PRKN: variants seen among roughly 807,000 people sequenced by gnomAD.
The protein encoded by PRKN is E3 ubiquitin-protein ligase parkin.
Under a neutral mutation model 59.5 loss-of-function variants are expected in PRKN, and 56 were observed. That is an observed-to-expected ratio of 0.94 (90% confidence interval 0.76 to 1.18). The LOEUF is 1.18. Among genes scored for constraint, PRKN ranks in the 50% most tolerant of loss-of-function variants. The probability of loss-of-function intolerance (pLI) is 0.00; values close to 1 mark genes in which losing one functional copy is unlikely to be tolerated. For synonymous variants in PRKN, 250 were observed against 222.1 expected (o/e 1.13, Z -1.12); for missense variants, 657 against 596.4 (o/e 1.10, Z -1.06).
At chr6:161,631,065 G>T (rs2128154604) in intron 7 of PRKN, among the ~76,000 whole-genome samples, 1 of 152,312 alleles carries the variant, frequency 6.6e-6, no homozygotes, top group Admixed American at 6.5e-5. Context: ...GGAACTTTGT[G>T]CTCCCAGCCA....
In PRKN at chr6:161,503,562, C is replaced by T. The variant is rs1246011378; in HGVS notation, c.1083+45292G>A. On this transcript the variant is annotated intron_variant, in intron 9 of 11. Coordinates refer to ENST00000366898, the MANE Select transcript of PRKN (RefSeq NM_004562.3). This position sits in a 1 kb window ranked among gnomAD's most constrained non-coding sequence, Gnocchi z 5.1. ...ATACTTATTAATTACCCTCATTTAA[C>T]AGAGGTTTATGGAGGTGAGGGACTG... is the stretch of plus-strand genomic sequence containing the variant. Among the ~76,000 whole-genome samples the T allele has an allele frequency of 2.0e-5, 3 of 152,070 alleles. No homozygotes were observed. The highest frequency in any genetic ancestry group is 2.1e-4 in the South Asian group (1 of 4,816).
rs1489564448 is a variant in PRKN at position 161,874,187 on chromosome 6, A to T, written c.735-88279T>A. Among the ~76,000 whole-genome samples, 214 of 58,484 alleles carry T rather than the reference A, an allele frequency of 3.7e-3. 7 individuals are homozygous for T. The highest frequency in any genetic ancestry group is 7.4e-3 in the African/African-American group (87 of 11,792). The allele number at this position is 58,484 out of a possible 152,430, so 38.4% of individuals were successfully genotyped here. Reference sequence around the variant, plus strand: ...ATAATATATAATATATATTATATATAATATATAATATATATTATATGTAAA... The same window carrying T: ...ATAATATATAATATATATTATATATTATATATAATATATATTATATGTAAA... On this transcript the variant is annotated intron_variant, in intron 6 of 11. Transcript: ENST00000366898.
intron 4 of PRKN, among the ~76,000 whole-genome samples, chr6:162,184,287 C>T (rs78842407): frequency 0.025 from 3,791 of 152,260 alleles, 150 homozygotes; most frequent in African/African-American, 0.086. Flanking sequence ...AAGTAAAAAA[C>T]ATCCACTGTC....
At chr6:162,378,256 A>G (rs1786230780) in intron 2 of PRKN, among the ~76,000 whole-genome samples, 1 of 152,242 alleles carries the variant, frequency 6.6e-6, no homozygotes, top group Non-Finnish European at 1.5e-5. Context: ...ATTTTAAGTG[A>G]AACAATTTAT....
At chr6:162,250,477 CAGAAGTACAG>C (rs1214252868) in intron 3 of PRKN, among the ~76,000 whole-genome samples, 1 of 152,178 alleles carries the variant, frequency 6.6e-6, no homozygotes, top group Non-Finnish European at 1.5e-5. Flanking sequence ...GATGAGTACA[CAGAAGTACAG>C]AGAGTTGTAT....
chr6:161,661,857 T>C (rs1784560543), intron 7 of PRKN, among the ~76,000 whole-genome samples: 1 of 152,056 alleles, frequency 6.6e-6, no homozygotes, highest in African/African-American at 2.4e-5. Context: ...ACCCCGTCTC[T>C]ACTAAAAATA....
chr6:162,250,446 G>T (rs1461977104), intron 3 of PRKN, among the ~76,000 whole-genome samples: 1 of 152,112 alleles, frequency 6.6e-6, no homozygotes, highest in African/African-American at 2.4e-5. Flanking sequence ...ATGCTAGAAA[G>T]AACTTTTCCT....
intron 1 of PRKN, among the ~76,000 whole-genome samples, chr6:162,538,617 T>C (rs1778807549): frequency 6.6e-6 from 1 of 152,138 alleles, no homozygotes; most frequent in Non-Finnish European, 1.5e-5. Flanking sequence ...GCTGAAAATA[T>C]TAAATCCAGA....
At chr6:162,494,310 T>G (rs1419675688) in intron 1 of PRKN, among the ~76,000 whole-genome samples, 1 of 152,156 alleles carries the variant, frequency 6.6e-6, no homozygotes, top group Non-Finnish European at 1.5e-5. Context: ...TTCCTCAACA[T>G]CTCTGACCCA....
rs62436805 is a variant in PRKN at position 161,631,023 on chromosome 6, C to T, written c.872-61607G>A. 4.6e-3 allele frequency among the ~76,000 whole-genome samples: 694 copies of T among 152,350 alleles called. 2 individuals carry two copies. Among genetic ancestry groups the T allele is most frequent in the Non-Finnish European group, 8.1e-3 (553 of 68,030 alleles). ...ACTACCCCAGAAGGGTGGGGCCACG[C>T]TTTCTAGGCAGGCTGCTCCTGCTAC... On this transcript the variant is annotated intron_variant, in intron 7 of 11. Transcript: ENST00000366898.
intron 6 of PRKN, among the ~76,000 whole-genome samples, chr6:161,924,346 C>A (rs1778890898): frequency 6.6e-6 from 1 of 152,140 alleles, no homozygotes; most frequent in South Asian, 2.1e-4. Context: ...AGGTACCCTG[C>A]ATTAAAATGA....
intron 9 of PRKN, among the ~76,000 whole-genome samples, chr6:161,523,087 T>A (rs911373432): frequency 6.6e-6 from 1 of 152,192 alleles, no homozygotes; most frequent in Non-Finnish European, 1.5e-5. Context: ...AAACTCTAAA[T>A]GCATTATGTT....
In PRKN at chr6:161,386,716, C is replaced by G; in HGVS notation, c.1167+78G>C. ...CTTGCTTTTTTAGAATGGAACTCTC[C>G]ATGACCTCCAGGAAACGGCTCCAGT... is the stretch of plus-strand genomic sequence containing the variant. On this transcript the variant is annotated intron_variant, in intron 10 of 11. Coordinates refer to ENST00000366898, the MANE Select transcript of PRKN (RefSeq NM_004562.3). This position sits in a 1 kb window ranked among gnomAD's most constrained non-coding sequence, Gnocchi z 4.3. 9.0e-7 allele frequency: 1 copy of G among 1,112,540 alleles called. No individual in the cohort carries two copies. Among genetic ancestry groups the G allele is most frequent in the South Asian group, 1.2e-5 (1 of 80,858 alleles). The allele number at this position is 1,112,540 out of a possible 1,614,324, so 68.9% of individuals were successfully genotyped here.
At chr6:162,220,569 T>C (rs960712670) in intron 3 of PRKN, among the ~76,000 whole-genome samples, 2 of 152,156 alleles carry the variant, frequency 1.3e-5, no homozygotes, top group Admixed American at 6.5e-5. Flanking sequence ...CTGTCACCTA[T>C]GCAGTGAGCA....
chr6:161,639,817 T>C (rs991241071), intron 7 of PRKN, among the ~76,000 whole-genome samples: 2 of 152,236 alleles, frequency 1.3e-5, no homozygotes, highest in Non-Finnish European at 2.9e-5. Context: ...GATTCCCTCA[T>C]CCTGTAACAC....
intron 2 of PRKN, among the ~76,000 whole-genome samples, chr6:162,341,598 T>C (rs1784181428): frequency 6.6e-6 from 1 of 152,154 alleles, no homozygotes; most frequent in African/African-American, 2.4e-5. Context: ...TGAGTTCATG[T>C]CCTTTGCAGG....
intron 1 of PRKN, chr6:162,568,717 T>C: frequency 6.5e-6 from 5 of 770,482 alleles, no homozygotes; most frequent in East Asian, 2.5e-5. Context: ...TGGAGCAACA[T>C]GGGCAACATG....
chr6:162,144,859 T>C (rs530152144), intron 4 of PRKN, among the ~76,000 whole-genome samples: 3 of 152,110 alleles, frequency 2.0e-5, no homozygotes, highest in Admixed American at 2.0e-4. Context: ...TCTAGTAACA[T>C]TTAAGGCTAC....
At chr6:162,190,001 A>T (rs1349351297) in intron 4 of PRKN, among the ~76,000 whole-genome samples, 2 of 151,822 alleles carry the variant, frequency 1.3e-5, no homozygotes, top group Non-Finnish European at 2.9e-5. Context: ...ATAACACATT[A>T]AAAAAAATAG....
Sources: allele counts gnomAD v4.1 joint callset (sites outside exome capture counted in the v4.1 genomes callset), GRCh38; gene constraint gnomAD v4.1.1; non-coding constraint Gnocchi (gnomAD v3.1); transcripts MANE v1.5; gene names NCBI Gene and HGNC (gene_info 2026-07-23, HGNC 2026-07-21).